The following ZNF664 variants were observed in gnomAD, a reference collection of about 807,000 sequenced individuals.
ZNF664 encodes zinc finger Organ of Corti 1.
In ZNF664, 10 loss-of-function variants were observed where a neutral mutation model predicts 18.2. The observed-to-expected ratio is 0.55, with a 90% confidence interval of 0.34 to 0.93. The LOEUF is 0.93. Ranked by LOEUF, ZNF664 falls within the 40% of genes least tolerant of loss-of-function variation. ZNF664 has a pLI of 0.02. For synonymous variants in ZNF664, 119 were observed against 104.2 expected (o/e 1.14, Z -0.86); for missense variants, 193 against 319.0 (o/e 0.61, Z 3.01).
At chr12:123,995,250 A>G (rs1453885591) in intron 3 of ZNF664, among the ~76,000 whole-genome samples, 1 of 152,220 alleles carries the variant, frequency 6.6e-6, no homozygotes, top group Non-Finnish European at 1.5e-5. Flanking sequence ...TAAAAAAAAT[A>G]GTTTACAGAC....
At chr12:123,987,943 T>G (rs1594551185) in intron 2 of ZNF664, 100 bp from the exon 3 acceptor site, 2 of 1,226,866 alleles carry the variant, frequency 1.6e-6, no homozygotes, top group East Asian at 6.3e-5. Context: ...TCTTCTGAGC[T>G]GGGACCCCAC....
intron 3 of ZNF664, among the ~76,000 whole-genome samples, chr12:124,006,941 G>A (rs186962192): frequency 1.2e-3 from 178 of 152,286 alleles, no homozygotes; most frequent in Middle Eastern, 3.4e-3. Context: ...TGGGAACGTG[G>A]TGTGTTCAGG....
intron 3 of ZNF664, among the ~76,000 whole-genome samples, chr12:123,988,345 A>G (rs555671435): frequency 6.6e-6 from 1 of 152,156 alleles, no homozygotes; most frequent in South Asian, 2.1e-4. Flanking sequence ...TACTCTAAAG[A>G]TGTCAGAAAC....
chr12:124,001,771 A>G (rs912317470), intron 3 of ZNF664, among the ~76,000 whole-genome samples: 5 of 152,192 alleles, frequency 3.3e-5, no homozygotes, highest in African/African-American at 4.8e-5. Flanking sequence ...TGCAGCTTGC[A>G]CTCGGAAAGG....
rs1022570783 is a variant in ZNF664, at chr12:124,013,717, C to G, written c.*787C>G. The G allele has an allele frequency of 6.0e-6, 1 of 167,110 alleles. No individual in the cohort carries two copies. The highest frequency in any genetic ancestry group is 2.4e-5 in the African/African-American group (1 of 41,454). 10.4% of individuals were successfully genotyped at this position (167,110 alleles called of 1,614,324 possible). On this transcript the variant is annotated 3_prime_UTR_variant, in exon 5 of 5. Coordinates refer to ENST00000337815, the MANE Select transcript of ZNF664 (RefSeq NM_152437.3). The stretch of plus-strand genomic sequence containing the variant: ...AATGTAAATAGCAGGGAGGAAGAAG[C>G]AAGCAAAGTGAGAGCTTTTCTTCAT...
At chr12:124,011,169 C>T (rs1957132425) in intron 3 of ZNF664, 1 of 387,492 alleles carries the variant, frequency 2.6e-6, no homozygotes, top group Admixed American at 6.4e-5. Context: ...GTTGTACCTT[C>T]TGAAGTTCAA....
intron 3 of ZNF664, among the ~76,000 whole-genome samples, chr12:124,003,167 C>T (rs1594568990): frequency 6.6e-6 from 1 of 152,234 alleles, no homozygotes; most frequent in Non-Finnish European, 1.5e-5. Context: ...GATACTAGAA[C>T]ATGTTTGTAT....
At chr12:124,008,855 A>T (rs1344481667) in intron 3 of ZNF664, among the ~76,000 whole-genome samples, 1 of 151,512 alleles carries the variant, frequency 6.6e-6, no homozygotes, top group Non-Finnish European at 1.5e-5. Flanking sequence ...AGGATGTCCC[A>T]GGCTCATTTT....
At position 124,013,144 on chromosome 12, in the gene ZNF664, G is replaced by A. The variant is rs932991042; in HGVS notation, c.*214G>A. 16 of 658,050 alleles carry A rather than the reference G, an allele frequency of 2.4e-5. No homozygotes were observed. In the African/African-American group the frequency reaches 2.8e-4, roughly 11 times the overall value. The allele number at this position is 658,050 out of a possible 1,614,324, so 40.8% of individuals were successfully genotyped here. A position where few individuals can be genotyped will look rare whatever the true frequency, so the allele number is the denominator to read the frequency against. On this transcript the variant is annotated 3_prime_UTR_variant, in exon 5 of 5. Coordinates refer to ENST00000337815, the MANE Select transcript of ZNF664 (RefSeq NM_152437.3). Reference sequence around the variant, plus strand: ...GACCTCTGAGCATCCACGCAGGATGGCTCTCAGGTCCCAGTCACAGACGTC... The same window carrying A: ...GACCTCTGAGCATCCACGCAGGATGACTCTCAGGTCCCAGTCACAGACGTC...
chr12:124,013,944 T>C lies in ZNF664; in HGVS notation c.*1014T>C, dbSNP rs1957162671. On this transcript the variant is annotated 3_prime_UTR_variant, in exon 5 of 5. Transcript: ENST00000337815. ...TCTTTGTTAGGCATGAACGTCTTTA[T>C]TAATCCATCATTCTTTTCTTCATTC... is the stretch of plus-strand genomic sequence containing the variant. 1 of 167,152 alleles carries C rather than the reference T, an allele frequency of 6.0e-6. No individual in the cohort carries two copies. Among genetic ancestry groups the C allele is most frequent in the Admixed American group, 6.5e-5 (1 of 15,292 alleles). The allele number at this position is 167,152 out of a possible 1,614,324, so 10.4% of individuals were successfully genotyped here. A position where few individuals can be genotyped will look rare whatever the true frequency, so the allele number is the denominator to read the frequency against.
intron 3 of ZNF664, among the ~76,000 whole-genome samples, chr12:123,996,521 C>A (rs140816184): frequency 1.3e-5 from 2 of 152,270 alleles, no homozygotes; most frequent in East Asian, 3.9e-4. Flanking sequence ...GCTTCATGGC[C>A]TCAGGAAGGG....
chr12:124,008,613 G>T (rs1459645606), intron 3 of ZNF664, among the ~76,000 whole-genome samples: 1 of 152,142 alleles, frequency 6.6e-6, no homozygotes, highest in Non-Finnish European at 1.5e-5. Context: ...AATTTTTAGG[G>T]TAAAAAGTTG....
intron 1 of ZNF664, chr12:123,973,682 C>G (rs902577151): frequency 1.1e-6 from 1 of 915,920 alleles, no homozygotes; most frequent in Non-Finnish European, 1.4e-6. Flanking sequence ...GGCGAGGCCC[C>G]TCGGGAGCCG....
intron 3 of ZNF664, among the ~76,000 whole-genome samples, chr12:123,990,909 G>A (rs1053854295): frequency 1.3e-5 from 2 of 152,114 alleles, no homozygotes; most frequent in Non-Finnish European, 2.9e-5. Flanking sequence ...TTACCTCATC[G>A]GTGTTCCTTG....
intron 2 of ZNF664, 135 bp downstream of exon 2, chr12:123,974,155 A>G: frequency 1.8e-6 from 1 of 562,952 alleles, no homozygotes; most frequent in East Asian, 3.5e-5. Context: ...CCTCCCAGAC[A>G]TTTTCCCGTC....
chr12:123,993,686 A>T (rs959961274), intron 3 of ZNF664, among the ~76,000 whole-genome samples: 1 of 152,138 alleles, frequency 6.6e-6, no homozygotes, highest in Admixed American at 6.5e-5. Flanking sequence ...GTACGTCCTG[A>T]TACCTAAACA....
In ZNF664 at chr12:124,012,022, T is replaced by C. The variant is rs1957140206; in HGVS notation, c.-123T>C. On this transcript the variant is annotated 5_prime_UTR_variant, in exon 5 of 5. Transcript: ENST00000337815. ...TTAGGCTGACCTTAAACTTACCTAA[T>C]AGAGCAAGCCTGAGATAGACTGCCA... 5 of 1,452,356 alleles carry C rather than the reference T, an allele frequency of 3.4e-6. No individual in the cohort carries two copies. The highest frequency in any genetic ancestry group is 1.5e-5 in the South Asian group (1 of 66,262). 90.0% of individuals were successfully genotyped at this position (1,452,356 alleles called of 1,614,324 possible). A position where few individuals can be genotyped will look rare whatever the true frequency, so the allele number is the denominator to read the frequency against.
intron 3 of ZNF664, among the ~76,000 whole-genome samples, chr12:124,002,262 A>G (rs917732234): frequency 6.6e-6 from 1 of 152,102 alleles, no homozygotes; most frequent in Non-Finnish European, 1.5e-5. Context: ...TGAAGACTAG[A>G]AAGGAGATGA....
chr12:123,996,297 G>GT (rs1956947683), intron 3 of ZNF664, among the ~76,000 whole-genome samples: 1 of 152,212 alleles, frequency 6.6e-6, no homozygotes, highest in African/African-American at 2.4e-5. Flanking sequence ...GCTGCAACTT[G>GT]AATTACAAAG....
Sources: gnomAD v4.1 joint callset for allele counts (sites outside exome capture counted in the v4.1 genomes callset) on GRCh38, gnomAD v4.1.1 for gene constraint, MANE v1.5 for transcripts, NCBI Gene and HGNC (gene_info 2026-07-23, HGNC 2026-07-21) for gene names.